The following PAPLN variants were observed in gnomAD, a reference collection of about 807,000 sequenced individuals.
PAPLN encodes papilin, proteoglycan like sulfated glycoprotein.
PAPLN carries 146 observed loss-of-function variants against 159.0 expected under a neutral mutation model. That is an observed-to-expected ratio of 0.92 (90% CI 0.80 to 1.05). The LOEUF is 1.05. Ranked by LOEUF, PAPLN falls within the 50% of genes least tolerant of loss-of-function variation. PAPLN has a pLI of 0.00. For missense variants in PAPLN, 1,720 were observed against 1,743.9 expected (o/e 0.99, Z 0.24); for synonymous variants, 734 against 702.9 (o/e 1.04, Z -0.70).
intron 1 of PAPLN, 88 bp from the exon 2 acceptor site, chr14:73,239,685 T>G: frequency 2.0e-6 from 3 of 1,521,218 alleles, no homozygotes; most frequent in Non-Finnish European, 2.6e-6. Flanking sequence ...CTGTGGGCCA[T>G]AGGGAGAGAC....
intron 21 of PAPLN, 59 bp from the exon 22 acceptor site, chr14:73,264,529 C>A (rs1490557313): frequency 7.1e-6 from 11 of 1,554,666 alleles, no homozygotes; most frequent in Non-Finnish European, 8.7e-6. Context: ...ATGGCCCGCC[C>A]TTCCTTCCAC....
intron 1 of PAPLN, among the ~76,000 whole-genome samples, chr14:73,238,776 G>A (rs1883227346): frequency 6.6e-6 from 1 of 152,224 alleles, no homozygotes; most frequent in East Asian, 1.9e-4. Context: ...CAGTATGCCA[G>A]GTTACATTTC....
chr14:73,262,167 C>T, intron 18 of PAPLN, 183 bp from the exon 19 acceptor site: 2 of 663,956 alleles, frequency 3.0e-6, no homozygotes, highest in East Asian at 2.6e-5. Flanking sequence ...CAGGTCTGCA[C>T]AGTGGACAGA....
chr14:73,255,465 T>C (rs1183264866), intron 14 of PAPLN, among the ~76,000 whole-genome samples: 1 of 152,162 alleles, frequency 6.6e-6, no homozygotes, highest in Non-Finnish European at 1.5e-5. Context: ...TGACTGACTG[T>C]GTGCTGAGGG....
chr14:73,263,518 C>A lies in PAPLN; in HGVS notation c.2724-127C>A, dbSNP rs1594822936. 6.5e-6 allele frequency: 8 copies of A among 1,235,858 alleles called. No individual in the cohort carries two copies. The East Asian group carries it at 1.4e-4, about 22-fold the overall frequency. The allele number at this position is 1,235,858 out of a possible 1,614,324, so 76.6% of individuals were successfully genotyped here. On this transcript the variant is annotated intron_variant, in intron 19 of 26. Coordinates refer to ENST00000644200, the MANE Select transcript of PAPLN (RefSeq NM_001365906.3). ...TCTGGGGCTCTGCCTCCCATAGGGA[C>A]CCTCTAGCCCCAAAAGTGCCTGTGA...
chr14:73,254,062 TA>T, intron 12 of PAPLN, 101 bp downstream of exon 12: 1 of 1,299,912 alleles, frequency 7.7e-7, no homozygotes, highest in Non-Finnish European at 1.0e-6. Context: ...TCCTGGGAGG[TA>T]AAATAACCGG....
chr14:73,271,503 ATT>A (rs57834403), intron 26 of PAPLN, among the ~76,000 whole-genome samples: 4 of 143,708 alleles, frequency 2.8e-5, no homozygotes, highest in African/African-American at 7.6e-5. Flanking sequence ...GTAGAATGAA[ATT>A]TTTTTTTTTT....
intron 26 of PAPLN, among the ~76,000 whole-genome samples, chr14:73,269,908 C>G (rs1017217383): frequency 1.9e-4 from 29 of 152,180 alleles, no homozygotes; most frequent in African/African-American, 5.5e-4. Context: ...TGGAGACTGG[C>G]CAGTACTAGA....
chr14:73,265,574 C>T lies in PAPLN; in HGVS notation c.3263+67C>T. 6 of 1,573,768 alleles carry T rather than the reference C, an allele frequency of 3.8e-6. No homozygotes were observed. In the South Asian group the frequency reaches 7.1e-5, roughly 19 times the overall value. The stretch of plus-strand genomic sequence containing the variant: ...GCCCCACCTTATCCTATGGAGGCCA[C>T]CGGGGAAGGGAGCTGCTAGCGCATG... On this transcript the variant is annotated intron_variant, in intron 23 of 26. Coordinates refer to ENST00000644200, the MANE Select transcript of PAPLN (RefSeq NM_001365906.3). The surrounding 1 kb of genome is among the most constrained non-coding windows in gnomAD (Gnocchi z 4.1).
At position 73,265,095 on chromosome 14, in the gene PAPLN, G is replaced by C. The variant is rs1375789521; in HGVS notation, c.3126-275G>C. Reference sequence around the variant, plus strand: ...AACTCAAAGACCTAGTGGCAAATGTGCAGGGTGGGGGGTGACAGATGGGGA... The same window carrying C: ...AACTCAAAGACCTAGTGGCAAATGTCCAGGGTGGGGGGTGACAGATGGGGA... On this transcript the variant is annotated intron_variant, in intron 22 of 26. Transcript: ENST00000644200. The surrounding 1 kb of genome is among the most constrained non-coding windows in gnomAD (Gnocchi z 4.1). 6.6e-6 allele frequency among the ~76,000 whole-genome samples: 1 copy of C among 152,104 alleles called. No homozygotes were observed.
chr14:73,236,917 G>A (rs1883067179), upstream of PAPLN, among the ~76,000 whole-genome samples: 1 of 142,686 alleles, frequency 7.0e-6, no homozygotes, highest in South Asian at 2.2e-4. Flanking sequence ...AGGAAGGGAG[G>A]GAGGGAAAGA....
intron 26 of PAPLN, among the ~76,000 whole-genome samples, chr14:73,270,265 G>GGCACAGGCGGCTTCC (rs1887598626): frequency 6.6e-6 from 1 of 152,170 alleles, no homozygotes; most frequent in Non-Finnish European, 1.5e-5. Context: ...CTCAGCGCAC[G>GGCACAGGCGGCTTCC]GCACAGGCGG....
chr14:73,246,183 C>T lies in PAPLN; in HGVS notation c.334+8C>T, dbSNP rs1339833336. The T allele has an allele frequency of 1.9e-6, 3 of 1,568,486 alleles. No homozygotes were observed. The highest frequency in any genetic ancestry group is 2.3e-5 in the South Asian group (2 of 85,718). The stretch of plus-strand genomic sequence containing the variant: ...GGCTGCCCTACTACAGCGGTGAGCG[C>T]GGCCGGGACTCGCTCTCTCGGGGCC... On this transcript the variant is annotated splice_region_variant and intron_variant, in intron 5 of 26. Coordinates refer to ENST00000644200, the MANE Select transcript of PAPLN (RefSeq NM_001365906.3).
At chr14:73,268,873 A>C in intron 26 of PAPLN, 150 bp downstream of exon 26, 1 of 984,136 alleles carries the variant, frequency 1.0e-6, no homozygotes, top group Non-Finnish European at 1.4e-6. Context: ...CAAGGGGCTT[A>C]CCTTCCTGAG....
At position 73,261,213 on chromosome 14, in the gene PAPLN, T is replaced by G. The variant is rs765963728; in HGVS notation, c.2164T>G (p.Ser722Ala). ...GAATGAGCCCAGTGAGTGCCGGGGC[T>G]CCCAGTTTGGCTGTTGCTATGACAA... ...QQNEPSECRG[S>A]QFGCCYDNVA... Residue 722 changes from serine to alanine, a missense_variant, in exon 18 of 27, where the codon TCC (serine) becomes GCC (alanine). Ser to Ala is a moderately conservative substitution (Grantham distance 99, BLOSUM62 1). Transcript: ENST00000644200. The G allele has an allele frequency of 3.7e-6, 6 of 1,613,902 alleles. No homozygotes were observed. The highest frequency in any genetic ancestry group is 5.1e-6 in the Non-Finnish European group (6 of 1,180,004).
In PAPLN at chr14:73,266,773, G is replaced by C. The variant is rs747877695; in HGVS notation, c.3442G>C (p.Asp1148His). The change falls in exon 25 of 27, where the codon GAT becomes CAT. Residue 1148 changes from aspartate to histidine, a missense_variant. Asp to His is a moderately conservative substitution (Grantham distance 81). Transcript: ENST00000644200. Reference protein sequence around the residue: ...LPPTVTVPEGDTARLLCVVAG... With the variant: ...LPPTVTVPEGHTARLLCVVAG... ...CCCTACTGTGACAGTGCCAGAGGGT[G>C]ATACGGCCAGGCTATTGTGTGTGGT... 10 of 1,614,012 alleles carry C rather than the reference G, an allele frequency of 6.2e-6. No homozygotes were observed. The highest frequency in any genetic ancestry group is 8.5e-6 in the Non-Finnish European group (10 of 1,179,934).
At position 73,245,042 on chromosome 14, in the gene PAPLN, C is replaced by T. The variant is rs143847092; in HGVS notation, c.170+283C>T. 75 of 305,754 alleles carry T rather than the reference C, an allele frequency of 2.5e-4. No homozygotes were observed. Among genetic ancestry groups the T allele is most frequent in the African/African-American group, 1.6e-3 (72 of 45,806 alleles). The allele number at this position is 305,754 out of a possible 1,614,324, so 18.9% of individuals were successfully genotyped here. On this transcript the variant is annotated intron_variant, in intron 3 of 26. Transcript: ENST00000644200. This position sits in a 1 kb window ranked among gnomAD's most constrained non-coding sequence, Gnocchi z 4.2. The stretch of plus-strand genomic sequence containing the variant: ...AGTATGGCAGGTGCAGTCAATTTTG[C>T]TGGAACTGGTAAATAATCTTCAACC...
intron 5 of PAPLN, among the ~76,000 whole-genome samples, chr14:73,248,878 C>T (rs553871375): frequency 6.6e-6 from 1 of 152,246 alleles, no homozygotes; most frequent in Non-Finnish European, 1.5e-5. Context: ...TGCTTGTAAT[C>T]CTGGTGCTTT....
chr14:73,246,998 C>T (rs981583538), intron 5 of PAPLN: 5 of 152,348 alleles, frequency 3.3e-5, no homozygotes, highest in Admixed American at 1.3e-4. Flanking sequence ...CATCCTTTCT[C>T]CCCTTATGTA....
Sources: gnomAD v4.1 joint callset for allele counts (sites outside exome capture counted in the v4.1 genomes callset) on GRCh38, gnomAD v4.1.1 for gene constraint, Gnocchi (gnomAD v3.1) non-coding constraint, MANE v1.5 for transcripts, NCBI Gene and HGNC (gene_info 2026-07-23, HGNC 2026-07-21) for gene names.